Variants in ZNF610 observed in about 807,000 individuals in gnomAD.
ZNF610 encodes zink finger protein.
A neutral mutation model predicts 14.1 loss-of-function variants in ZNF610; 14 were observed. The observed-to-expected ratio is 0.99, with a 90% CI of 0.65 to 1.55. The LOEUF is 1.55. ZNF610 is among the 40% of genes most tolerant of loss of function. The pLI, the probability that ZNF610 is intolerant of heterozygous loss-of-function variation, is 0.00. For synonymous variants in ZNF610, 185 were observed against 187.6 expected, an observed-to-expected ratio of 0.99 and a Z score of 0.11; for missense variants, 530 against 558.0, an observed-to-expected ratio of 0.95 and a Z score of 0.51.
Position 52,366,219 on chromosome 19 carries a change from ATTCATAC to A in ZNF610, c.843_849del (p.Ile281MetfsTer26), listed in dbSNP as rs1460302568. The A allele has an allele frequency of 6.2e-7, 1 of 1,614,106 alleles. No individual in the cohort carries two copies. On this transcript the variant is annotated frameshift_variant, in exon 6 of 6. Coordinates refer to ENST00000403906, the MANE Select transcript of ZNF610 (RefSeq NM_001161425.2). LOFTEE classifies it low-confidence loss of function (END_TRUNC). ...TTCAAACCTTGCACGACATCAAAGA[ATTCATAC>A]TGGAGAGAAGCCTCACAAATGTAAC...
At chr19:52,341,716 T>C (rs183304670) in intron 1 of ZNF610, among the ~76,000 whole-genome samples, 1 of 152,304 alleles carries the variant, frequency 6.6e-6, no homozygotes, top group Non-Finnish European at 1.5e-5. Flanking sequence ...AACCTCGAAC[T>C]CCTAGGCTCA....
chr19:52,350,243 C>G (rs946803610), intron 3 of ZNF610, among the ~76,000 whole-genome samples: 2 of 152,178 alleles, frequency 1.3e-5, no homozygotes, highest in African/African-American at 4.8e-5. Context: ...TAGGAAGACA[C>G]CACACATGCA....
chr19:52,352,771 GA>G (rs1236140941), intron 3 of ZNF610, among the ~76,000 whole-genome samples: 1 of 151,946 alleles, frequency 6.6e-6, no homozygotes, highest in Non-Finnish European at 1.5e-5. Flanking sequence ...TAAATTAGAG[GA>G]AATGCATCCC....
At chr19:52,352,480 C>G (rs749475438) in intron 3 of ZNF610, among the ~76,000 whole-genome samples, 6 of 152,142 alleles carry the variant, frequency 3.9e-5, no homozygotes, top group African/African-American at 1.4e-4. Flanking sequence ...TCAGGTGATC[C>G]GCCCATCTTG....
At chr19:52,360,263 GT>G (rs906177932) in intron 5 of ZNF610, among the ~76,000 whole-genome samples, 3 of 152,190 alleles carry the variant, frequency 2.0e-5, no homozygotes, top group African/African-American at 7.2e-5. Context: ...GAGAGGTTCT[GT>G]TTCCTGAGTT....
At chr19:52,340,830 G>A (rs968917320) in intron 1 of ZNF610, among the ~76,000 whole-genome samples, 15 of 152,010 alleles carry the variant, frequency 9.9e-5, no homozygotes, top group Admixed American at 3.9e-4. Flanking sequence ...ACAGGCACAC[G>A]CCACCACGCC....
intron 1 of ZNF610, among the ~76,000 whole-genome samples, chr19:52,341,898 C>T (rs886149251): frequency 5.9e-5 from 9 of 152,182 alleles, no homozygotes; most frequent in Non-Finnish European, 7.3e-5. Flanking sequence ...GCAACCTCGA[C>T]GTCCTGGGCT....
chr19:52,338,922 C>CGCGCCGGAGGACCG (rs113271120), intron 1 of ZNF610, among the ~76,000 whole-genome samples: 13,798 of 151,850 alleles, frequency 0.091, 679 homozygotes, highest in Middle Eastern at 0.13. Flanking sequence ...ACGGAGGACC[C>CGCGCCGGAGGACCG]GCGCCGGCCC....
intron 1 of ZNF610, among the ~76,000 whole-genome samples, chr19:52,337,582 T>TG (rs1242233317): frequency 4.0e-5 from 6 of 149,248 alleles, no homozygotes; most frequent in African/African-American, 1.5e-4. Context: ...AAAAATGAAG[T>TG]GAAAAAAAGC....
upstream of ZNF610, among the ~76,000 whole-genome samples, chr19:52,332,246 C>G (rs1468027121): frequency 6.6e-6 from 1 of 152,176 alleles, no homozygotes; most frequent in Non-Finnish European, 1.5e-5. The surrounding 1 kb of genome is among the most constrained non-coding windows in gnomAD (Gnocchi z 4.1). Context: ...CAGTCTGGAG[C>G]TCAGGTTAAT....
chr19:52,360,159 A>C (rs1433422639), intron 5 of ZNF610, among the ~76,000 whole-genome samples: 1 of 152,076 alleles, frequency 6.6e-6, no homozygotes, highest in African/African-American at 2.4e-5. Flanking sequence ...ATAAAGCAGG[A>C]CCCTCTCTCG....
Position 52,349,307 on chromosome 19 carries a change from G to GA in ZNF610, c.63+72_63+73insA, listed in dbSNP as rs1985130245. The GA allele has an allele frequency of 1.1e-5, 16 of 1,511,184 alleles. No individual in the cohort carries two copies. The South Asian group carries it at 1.6e-4, about 15-fold the overall frequency. 93.6% of individuals were successfully genotyped at this position (1,511,184 alleles called of 1,614,324 possible). On this transcript the variant is annotated intron_variant, in intron 3 of 5. Transcript: ENST00000403906. ...ATGCCTGAAGCATCCTGCCTGACACGTTTGCTCACACTCACCCATGCCTTC... is the reference window on the plus strand; with the variant it reads ...ATGCCTGAAGCATCCTGCCTGACACGATTTGCTCACACTCACCCATGCCTTC...
intron 3 of ZNF610, among the ~76,000 whole-genome samples, chr19:52,352,559 C>T (rs112324051): frequency 6.6e-6 from 1 of 152,088 alleles, no homozygotes; most frequent in South Asian, 2.1e-4. Flanking sequence ...TCAATATATT[C>T]GTATTAGTTA....
chr19:52,344,185 C>T (rs1461772377), intron 1 of ZNF610: 3 of 152,262 alleles, frequency 2.0e-5, no homozygotes, highest in Non-Finnish European at 4.4e-5. Flanking sequence ...ACAGGGGGCC[C>T]AGGTTTCTCC....
intron 1 of ZNF610, among the ~76,000 whole-genome samples, chr19:52,346,024 A>G (rs1051865148): frequency 2.7e-5 from 4 of 150,554 alleles, no homozygotes; most frequent in Non-Finnish European, 5.9e-5. Context: ...TTTGAGACAG[A>G]GTCTCACTCT....
At chr19:52,343,725 A>G (rs1217493521) in intron 1 of ZNF610, among the ~76,000 whole-genome samples, 1 of 152,126 alleles carries the variant, frequency 6.6e-6, no homozygotes, top group Non-Finnish European at 1.5e-5. Flanking sequence ...CATTCCCGCT[A>G]GAGGGCAGTG....
intron 3 of ZNF610, among the ~76,000 whole-genome samples, chr19:52,349,558 C>A (rs1985143453): frequency 6.6e-6 from 1 of 150,700 alleles, no homozygotes; most frequent in South Asian, 2.1e-4. Context: ...GAGAGGCTGC[C>A]AATGGAAGTC....
intron 5 of ZNF610, among the ~76,000 whole-genome samples, chr19:52,364,648 C>T (rs908031263): frequency 1.3e-5 from 2 of 152,184 alleles, no homozygotes; most frequent in Non-Finnish European, 2.9e-5. Context: ...CTGCAACCTC[C>T]ATGCCCCGCC....
intron 5 of ZNF610, among the ~76,000 whole-genome samples, chr19:52,364,786 C>T (rs1465782428): frequency 6.6e-6 from 1 of 152,142 alleles, no homozygotes; most frequent in Admixed American, 6.5e-5. Flanking sequence ...CCATGTTGGC[C>T]AGGCTGGTCT....
Sources: allele counts gnomAD v4.1 joint callset (sites outside exome capture counted in the v4.1 genomes callset), GRCh38; gene constraint gnomAD v4.1.1; non-coding constraint Gnocchi (gnomAD v3.1); transcripts MANE v1.5; gene names NCBI Gene and HGNC (gene_info 2026-07-23, HGNC 2026-07-21).